ANXA8: variants seen among roughly 807,000 people sequenced by gnomAD.
The protein encoded by ANXA8 is annexin A8.
Under a neutral mutation model 26.8 loss-of-function variants are expected in ANXA8, and 9 were observed. That is an observed-to-expected ratio of 0.34 (90% confidence interval 0.20 to 0.59). ANXA8 has a LOEUF of 0.59. Among genes scored for constraint, ANXA8 ranks in the 20% least tolerant of loss-of-function variants. The pLI is 0.84. For synonymous variants in ANXA8, 39 were observed against 94.8 expected (o/e 0.41, Z 3.42); for missense variants, 83 against 238.5 (o/e 0.35, Z 4.29).
the ANXA8 span, among the ~76,000 whole-genome samples, chr10:47,969,225 G>A: frequency 2.0e-5 from 3 of 151,416 alleles, no homozygotes; most frequent in African/African-American, 7.3e-5. Flanking sequence ...CAGTTACACC[G>A]ACCTGACAAT....
chr10:47,647,816 T>C, the ANXA8 span, among the ~76,000 whole-genome samples: 12 of 151,934 alleles, frequency 7.9e-5, no homozygotes, highest in Non-Finnish European at 2.9e-5. Context: ...ACACTATGAC[T>C]ATGAGTTAAT....
chr10:47,973,084 GCACACACACACAAACACAAATGCA>G, the ANXA8 span: 4 of 111,164 alleles, frequency 3.6e-5, no homozygotes, highest in South Asian at 6.6e-4. Context: ...ATGTGGACGT[GCACACACACACAAACACAAATGCA>G]CACACACACA....
chr10:47,695,715 G>A, the ANXA8 span, among the ~76,000 whole-genome samples: 2 of 150,862 alleles, frequency 1.3e-5, no homozygotes, highest in South Asian at 2.1e-4. Context: ...GACACTGTAT[G>A]CTGATTAGAT....
At chr10:47,699,791 C>A in the ANXA8 span, among the ~76,000 whole-genome samples, 1 of 151,394 alleles carries the variant, frequency 6.6e-6, no homozygotes, top group African/African-American at 2.4e-5. Flanking sequence ...GTGATTGCAC[C>A]ACTGTACTCC....
At chr10:47,559,193 C>G in the ANXA8 span, among the ~76,000 whole-genome samples, 1 of 138,558 alleles carries the variant, frequency 7.2e-6, no homozygotes, top group African/African-American at 2.7e-5. Flanking sequence ...AAACCGTCGC[C>G]CAGGCTGGAA....
chr10:47,651,750 C>T, the ANXA8 span, among the ~76,000 whole-genome samples: 8,801 of 151,206 alleles, frequency 0.058, 588 homozygotes, highest in African/African-American at 0.2. Context: ...CAAAATTAGC[C>T]GAACATGGTG....
At chr10:47,743,313 CACAT>C in the ANXA8 span, among the ~76,000 whole-genome samples, 6 of 27,560 alleles carry the variant, frequency 2.2e-4, no homozygotes, top group Admixed American at 1.1e-3. Flanking sequence ...TATATATATA[CACAT>C]ATATATATAT....
the ANXA8 span, among the ~76,000 whole-genome samples, chr10:47,750,089 A>G: frequency 1.3e-5 from 2 of 151,870 alleles, no homozygotes; most frequent in Non-Finnish European, 1.5e-5. Context: ...AAACAAATTC[A>G]TAATAACAGT....
chr10:47,669,595 G>T, the ANXA8 span, among the ~76,000 whole-genome samples: 1 of 151,602 alleles, frequency 6.6e-6, no homozygotes, highest in Non-Finnish European at 1.5e-5. Flanking sequence ...CACGCCTGTG[G>T]TCCCAGCTAC....
the ANXA8 span, among the ~76,000 whole-genome samples, chr10:47,969,327 T>C: frequency 2.0e-5 from 3 of 151,582 alleles, no homozygotes; most frequent in Non-Finnish European, 3.0e-5. Context: ...AATTAGCACG[T>C]AGGCTGCCTG....
chr10:47,504,846 C>CTTT, the ANXA8 span, among the ~76,000 whole-genome samples: 19 of 46,840 alleles, frequency 4.1e-4, no homozygotes, highest in African/African-American at 1.0e-3. Context: ...CATAACTGTT[C>CTTT]TTTTTTTTTT....
chr10:47,952,297 C>T, the ANXA8 span, among the ~76,000 whole-genome samples: 9 of 151,392 alleles, frequency 5.9e-5, no homozygotes, highest in Non-Finnish European at 1.3e-4. Context: ...GAGGAAATAC[C>T]GACATAAGAT....
chr10:47,511,092 C>T, the ANXA8 span, among the ~76,000 whole-genome samples: 23 of 123,856 alleles, frequency 1.9e-4, 6 homozygotes, highest in Admixed American at 6.7e-4. Context: ...TACAGGCGCC[C>T]ACCACCATGC....
the ANXA8 span, among the ~76,000 whole-genome samples, chr10:47,678,871 CT>C: frequency 1.7e-4 from 24 of 138,260 alleles, no homozygotes; most frequent in Non-Finnish European, 3.4e-4. Flanking sequence ...GGTGAAATCT[CT>C]TCTCTACTAA....
At chr10:47,681,931 G>A in the ANXA8 span, among the ~76,000 whole-genome samples, 3 of 125,366 alleles carry the variant, frequency 2.4e-5, no homozygotes, top group East Asian at 2.4e-4. Context: ...GACCTTAGGC[G>A]TGACATTGGA....
At chr10:47,765,423 AC>A in the ANXA8 span, among the ~76,000 whole-genome samples, 7 of 151,606 alleles carry the variant, frequency 4.6e-5, no homozygotes, top group Admixed American at 1.3e-4. Context: ...CCACCTGACC[AC>A]CCCAGTGGGG....
At chr10:47,491,518 C>T in the ANXA8 span, 64 of 913,982 alleles carry the variant, frequency 7.0e-5, 1 homozygote, top group East Asian at 7.1e-4. Context: ...CAGGTCCTCG[C>T]CTGCCTACGT....
At chr10:47,659,033 G>T in the ANXA8 span, among the ~76,000 whole-genome samples, 2 of 151,040 alleles carry the variant, frequency 1.3e-5, no homozygotes, top group Non-Finnish European at 2.9e-5. Flanking sequence ...CACCACGCCC[G>T]GCTGATTTTT....
At chr10:47,470,204 T>C (rs1839286765) in intron 11 of ANXA8, among the ~76,000 whole-genome samples, 1 of 151,916 alleles carries the variant, frequency 6.6e-6, no homozygotes, top group Non-Finnish European at 1.5e-5. Flanking sequence ...TTGAAAACCA[T>C]TTTTGCTTTA....
Sources: gnomAD v4.1 joint callset for allele counts (sites outside exome capture counted in the v4.1 genomes callset) on GRCh38, gnomAD v4.1.1 for gene constraint, MANE v1.5 for transcripts, NCBI Gene and HGNC (gene_info 2026-07-23, HGNC 2026-07-21) for gene names.